The following ATAD1 variants were observed in gnomAD, a reference collection of about 807,000 sequenced individuals.
The protein encoded by ATAD1 is ATPase family AAA domain containing 1.
ATAD1 carries 18 observed loss-of-function variants against 42.7 expected under a neutral mutation model. The ratio of observed to expected loss-of-function variants is 0.42; its 90% CI spans 0.29 to 0.63. The LOEUF is 0.63. Ranked by LOEUF, ATAD1 falls within the 20% of genes least tolerant of loss-of-function variation. ATAD1 has a pLI of 0.19. For synonymous variants in ATAD1, 132 were observed against 143.1 expected, an observed-to-expected ratio of 0.92 and a Z score of 0.55; for missense variants, 294 against 440.4, an observed-to-expected ratio of 0.67 and a Z score of 2.98.
intron 1 of ATAD1, among the ~76,000 whole-genome samples, chr10:87,828,566 G>A (rs1187508663): frequency 6.6e-6 from 1 of 152,222 alleles, no homozygotes; most frequent in Non-Finnish European, 1.5e-5. Flanking sequence ...AGTGCTAATG[G>A]AGAAGCTGCA....
intron 2 of ATAD1, among the ~76,000 whole-genome samples, chr10:87,809,862 T>TC (rs1233787945): frequency 2.6e-5 from 4 of 151,964 alleles, no homozygotes; most frequent in Admixed American, 1.3e-4. Flanking sequence ...GCCAGGCTGG[T>TC]CTCAAACTCC....
At chr10:87,777,526 C>CT (rs1018053526) in intron 5 of ATAD1, among the ~76,000 whole-genome samples, 1 of 151,226 alleles carries the variant, frequency 6.6e-6, no homozygotes, top group African/African-American at 2.4e-5. Flanking sequence ...ACATGAAATG[C>CT]TTTTTTAAAA....
intron 8 of ATAD1, among the ~76,000 whole-genome samples, chr10:87,758,904 C>T (rs1306787105): frequency 6.6e-6 from 1 of 152,092 alleles, no homozygotes; most frequent in African/African-American, 2.4e-5. Flanking sequence ...TCATGTACTG[C>T]CACATCAGTG....
intron 1 of ATAD1, among the ~76,000 whole-genome samples, chr10:87,831,797 T>C (rs561455894): frequency 1.1e-4 from 17 of 152,322 alleles, no homozygotes; most frequent in Admixed American, 3.3e-4. Flanking sequence ...CCTGGTGCAT[T>C]TTATTTAACA....
At chr10:87,760,298 G>T (rs116189599) in intron 8 of ATAD1, among the ~76,000 whole-genome samples, 1 of 152,212 alleles carries the variant, frequency 6.6e-6, no homozygotes, top group African/African-American at 2.4e-5. Context: ...CTTCCCCCTT[G>T]TTCTCATGAT....
At chr10:87,816,489 C>G (rs901505784) in intron 1 of ATAD1, among the ~76,000 whole-genome samples, 1 of 152,048 alleles carries the variant, frequency 6.6e-6, no homozygotes, top group African/African-American at 2.4e-5. Context: ...TATATGACGC[C>G]CACTATATAT....
At chr10:87,832,002 C>G (rs1440740250) in intron 1 of ATAD1, 2 of 150,328 alleles carry the variant, frequency 1.3e-5, no homozygotes, top group Admixed American at 1.3e-4. Flanking sequence ...CCTGGGCTAT[C>G]TAATTCTAGA....
chr10:87,819,756 C>T (rs958070665), upstream of ATAD1, among the ~76,000 whole-genome samples: 2 of 152,102 alleles, frequency 1.3e-5, no homozygotes, highest in Non-Finnish European at 2.9e-5. Context: ...TTGTACTTTA[C>T]GTTTTCTCTT....
intron 1 of ATAD1, among the ~76,000 whole-genome samples, chr10:87,829,255 T>G (rs1407066243): frequency 6.6e-6 from 1 of 150,726 alleles, no homozygotes; most frequent in Non-Finnish European, 1.5e-5. Context: ...ATTTATTTAT[T>G]TATTTATTTA....
chr10:87,791,137 G>C (rs988796111), intron 3 of ATAD1, among the ~76,000 whole-genome samples: 1 of 150,194 alleles, frequency 6.7e-6, no homozygotes, highest in Non-Finnish European at 1.5e-5. Flanking sequence ...CCTGGGAGGC[G>C]GAGGTTACAG....
At chr10:87,757,838 G>C (rs1227576827) in intron 8 of ATAD1, among the ~76,000 whole-genome samples, 1 of 152,170 alleles carries the variant, frequency 6.6e-6, no homozygotes, top group Non-Finnish European at 1.5e-5. Flanking sequence ...AGGAAGAACA[G>C]CAACTCTACA....
intron 2 of ATAD1, among the ~76,000 whole-genome samples, chr10:87,813,211 T>C (rs1857262746): frequency 6.6e-6 from 1 of 152,180 alleles, no homozygotes; most frequent in African/African-American, 2.4e-5. Context: ...TCTTTAAAAG[T>C]CACACCTCTG....
chr10:87,764,333 G>A (rs1235787527), intron 8 of ATAD1, among the ~76,000 whole-genome samples: 3 of 152,006 alleles, frequency 2.0e-5, no homozygotes, highest in Non-Finnish European at 2.9e-5. Flanking sequence ...ATGGTGGCAC[G>A]TGCCTGTAAT....
At chr10:87,797,234 C>T (rs573497081) in intron 2 of ATAD1, among the ~76,000 whole-genome samples, 36 of 152,162 alleles carry the variant, frequency 2.4e-4, no homozygotes, top group Middle Eastern at 3.4e-3. Context: ...ACAAACTCTA[C>T]TTGACTTGGT....
intron 7 of ATAD1, among the ~76,000 whole-genome samples, chr10:87,768,040 A>AT (rs199999118): frequency 1.3e-4 from 20 of 151,860 alleles, no homozygotes; most frequent in African/African-American, 4.1e-4. Context: ...AGCAATCTTC[A>AT]TTTTTTTTCC....
chr10:87,798,652 G>A (rs1467714724), intron 2 of ATAD1, among the ~76,000 whole-genome samples: 1 of 150,734 alleles, frequency 6.6e-6, no homozygotes, highest in African/African-American at 2.5e-5. Flanking sequence ...GTGTGTGTGT[G>A]TGTATTTAAA....
intron 2 of ATAD1, among the ~76,000 whole-genome samples, chr10:87,793,011 T>C (rs1342827413): frequency 6.6e-6 from 1 of 152,052 alleles, no homozygotes; most frequent in Non-Finnish European, 1.5e-5. Flanking sequence ...ACTGAAGAGA[T>C]CTTACACTTC....
intron 1 of ATAD1, among the ~76,000 whole-genome samples, chr10:87,835,591 T>G (rs1281886147): frequency 6.6e-6 from 1 of 152,142 alleles, no homozygotes; most frequent in East Asian, 1.9e-4. Context: ...CAGTCATGTT[T>G]TTGCGTACAT....
intron 1 of ATAD1, among the ~76,000 whole-genome samples, chr10:87,829,770 C>T (rs1857796321): frequency 6.6e-6 from 1 of 152,080 alleles, no homozygotes; most frequent in South Asian, 2.1e-4. Flanking sequence ...TTGCTGCCAT[C>T]CCCTGATAAA....
Sources: allele counts gnomAD v4.1 joint callset (sites outside exome capture counted in the v4.1 genomes callset), GRCh38; gene constraint gnomAD v4.1.1; transcripts MANE v1.5; gene names NCBI Gene and HGNC (gene_info 2026-07-23, HGNC 2026-07-21).